Variants in ACTR3 observed in about 807,000 individuals in gnomAD.
ACTR3 encodes the protein actin related protein 3.
A neutral mutation model predicts 56.8 loss-of-function variants in ACTR3; 12 were observed. That is an observed-to-expected ratio of 0.21 (90% CI 0.14 to 0.34). The LOEUF is 0.34. ACTR3 is among the 10% of genes least tolerant of loss of function. ACTR3 has a pLI of 1.00. For synonymous variants in ACTR3, 162 were observed against 167.4 expected, an observed-to-expected ratio of 0.97 and a Z score of 0.25; for missense variants, 282 against 512.5, an observed-to-expected ratio of 0.55 and a Z score of 4.34.
chr2:113,900,827 A>G (rs994715424), intron 1 of ACTR3, among the ~76,000 whole-genome samples: 1 of 152,254 alleles, frequency 6.6e-6, no homozygotes, highest in East Asian at 1.9e-4. Flanking sequence ...CTGTTGACAC[A>G]CAGAGTAGGC....
intron 3 of ACTR3, among the ~76,000 whole-genome samples, chr2:113,925,660 A>G (rs1197627600): frequency 6.6e-6 from 1 of 152,234 alleles, no homozygotes; most frequent in African/African-American, 2.4e-5. Flanking sequence ...TACTTAAAAC[A>G]TTTGAATTTG....
chr2:113,949,253 T>G lies in ACTR3; in HGVS notation c.859-2226T>G, dbSNP rs570079217. ...ATTAGCCGGGCGTGGTGGCGGACGC[T>G]TGTAATCCCAGCTACTCGGGAGGCT... On this transcript the variant is annotated intron_variant, in intron 8 of 11. Transcript: ENST00000263238. 4.6e-5 allele frequency among the ~76,000 whole-genome samples: 7 copies of G among 150,544 alleles called. No individual in the cohort carries two copies. The South Asian group carries it at 1.5e-3, about 32-fold the overall frequency.
chr2:113,938,101 T>G (rs1679860604), intron 6 of ACTR3, among the ~76,000 whole-genome samples: 2 of 152,152 alleles, frequency 1.3e-5, no homozygotes, highest in African/African-American at 4.8e-5. Context: ...TTCTTCACTG[T>G]GTAGTCCACT....
chr2:113,891,847 A>T (rs866460962), intron 1 of ACTR3, among the ~76,000 whole-genome samples: 5 of 152,090 alleles, frequency 3.3e-5, no homozygotes, highest in African/African-American at 1.2e-4. Flanking sequence ...ACTTTATTTA[A>T]AAGTTTTTCC....
chr2:113,935,770 T>C (rs1679813536), intron 6 of ACTR3, among the ~76,000 whole-genome samples: 1 of 152,166 alleles, frequency 6.6e-6, no homozygotes, highest in Admixed American at 6.5e-5. Context: ...TATATTTTTC[T>C]TTGAGTACCT....
chr2:113,942,553 A>G (rs1679942765), intron 8 of ACTR3, among the ~76,000 whole-genome samples, 194 bp downstream of exon 8: 1 of 152,032 alleles, frequency 6.6e-6, no homozygotes, highest in Non-Finnish European at 1.5e-5. Flanking sequence ...AATTGTTGCT[A>G]TTTTTTGCAG....
intron 1 of ACTR3, among the ~76,000 whole-genome samples, chr2:113,896,911 C>T (rs927514036): frequency 6.6e-6 from 1 of 152,176 alleles, no homozygotes; most frequent in Non-Finnish European, 1.5e-5. Flanking sequence ...TCCTGCTCCC[C>T]CAACTTGTGG....
chr2:113,939,856 A>G, intron 6 of ACTR3, 103 bp from the exon 7 acceptor site: 2 of 1,074,046 alleles, frequency 1.9e-6, no homozygotes, highest in South Asian at 3.6e-5. Flanking sequence ...GAGACTATAA[A>G]TACACTAACT....
Position 113,927,407 on chromosome 2 carries a change from G to T in ACTR3, c.288G>T (p.Val96=). 6.3e-7 allele frequency: 1 copy of T among 1,594,300 alleles called. No homozygotes were observed. Among genetic ancestry groups the T allele is most frequent in the African/African-American group, 1.3e-5 (1 of 74,722 alleles). The change falls in exon 4 of 12, where the codon GTG becomes GTT. Residue 96 remains valine, a synonymous_variant. Transcript: ENST00000263238. ...TAATGGAAAGGTTTATGGAGCAAGTGATCTTTAAATATTTAAGGGCAGAAC... is the reference window on the plus strand; with the variant it reads ...TAATGGAAAGGTTTATGGAGCAAGTTATCTTTAAATATTTAAGGGCAGAAC... ...WDLMERFMEQ[V]IFKYLRAEPE... is the part of the protein sequence containing the mutation.
rs927307784 is a variant in ACTR3 at position 113,897,403 on chromosome 2, A to C, written c.44+7080A>C. On this transcript the variant is annotated intron_variant, in intron 1 of 11. Coordinates refer to ENST00000263238, the MANE Select transcript of ACTR3 (RefSeq NM_005721.5). ...ACGATTTTGCAGAATTTTAATAATAATTTTGTTTCAGAATTTTCAAAATTC... is the reference window on the plus strand; with the variant it reads ...ACGATTTTGCAGAATTTTAATAATACTTTTGTTTCAGAATTTTCAAAATTC... Among the ~76,000 whole-genome samples, 3 of 152,198 alleles carry C rather than the reference A, an allele frequency of 2.0e-5. No individual in the cohort carries two copies. The East Asian group carries it at 5.8e-4, about 29-fold the overall frequency.
At chr2:113,911,869 T>A (rs543936246) in intron 1 of ACTR3, among the ~76,000 whole-genome samples, 1 of 151,972 alleles carries the variant, frequency 6.6e-6, no homozygotes, top group East Asian at 1.9e-4. Flanking sequence ...CCCAAGTAGC[T>A]GGTATTACAG....
At chr2:113,955,778 G>A (rs1380679224) in intron 11 of ACTR3, 72 bp downstream of exon 11, 17 of 1,265,660 alleles carry the variant, frequency 1.3e-5, no homozygotes, top group South Asian at 4.0e-5. Context: ...GTGGACTTTC[G>A]CTCTTGTCAC....
intron 10 of ACTR3, chr2:113,953,932 A>G (rs554381809): frequency 2.0e-5 from 3 of 152,230 alleles, no homozygotes; most frequent in South Asian, 2.1e-4. Context: ...TGCATGTTTC[A>G]TTTACTTATT....
intron 6 of ACTR3, among the ~76,000 whole-genome samples, chr2:113,936,302 CAAAAAAAAAAA>C: frequency 1.3e-5 from 1 of 78,284 alleles, no homozygotes; most frequent in East Asian, 4.0e-4. Context: ...ACCCTGTCTC[CAAAAAAAAAAA>C]AAAAAAAAAA....
At position 113,907,499 on chromosome 2, in the gene ACTR3, T is replaced by A. The variant is rs535837796; in HGVS notation, c.45-5673T>A. ...ACCTCTTGTCCTCAAGTGACCTTCC[T>A]GCTTTGGCCTCCCAAAGTGCTGGGA... On this transcript the variant is annotated intron_variant, in intron 1 of 11. Coordinates refer to ENST00000263238, the MANE Select transcript of ACTR3 (RefSeq NM_005721.5). Among the ~76,000 whole-genome samples the A allele has an allele frequency of 3.9e-5, 6 of 152,254 alleles. No individual in the cohort carries two copies. In the South Asian group the frequency reaches 6.2e-4, roughly 16 times the overall value.
At chr2:113,956,899 A>T (rs940956219) in intron 11 of ACTR3, among the ~76,000 whole-genome samples, 1 of 152,208 alleles carries the variant, frequency 6.6e-6, no homozygotes, top group African/African-American at 2.4e-5. Flanking sequence ...GGAACAGTCT[A>T]TCTTTTCCAG....
intron 3 of ACTR3, among the ~76,000 whole-genome samples, chr2:113,922,522 C>T (rs997245460): frequency 9.2e-5 from 14 of 152,110 alleles, no homozygotes; most frequent in Middle Eastern, 3.4e-3. Context: ...GAAATCTTAG[C>T]GGTAGGGGCG....
chr2:113,952,410 CTTCATTTTT>C (rs1194758673), intron 10 of ACTR3: 1 of 151,916 alleles, frequency 6.6e-6, no homozygotes, highest in African/African-American at 2.4e-5. Context: ...GAGATAGATT[CTTCATTTTT>C]TTCATCCTTG....
rs59646022 is a variant in ACTR3 at position 113,918,386 on chromosome 2, CT to C, written c.225+1393del. ...ACTTGAAGATTTTTTTCTTTTCTTTCTTTTTTTTTTTTTTTAAGACAAAGCC... is the reference window on the plus strand; with the variant it reads ...ACTTGAAGATTTTTTTCTTTTCTTTCTTTTTTTTTTTTTTAAGACAAAGCC... On this transcript the variant is annotated intron_variant, in intron 3 of 11. Coordinates refer to ENST00000263238, the MANE Select transcript of ACTR3 (RefSeq NM_005721.5). 3.6e-3 allele frequency among the ~76,000 whole-genome samples: 501 copies of C among 137,516 alleles called. 1 individual carries two copies. Among genetic ancestry groups the C allele is most frequent in the Middle Eastern group, 3.8e-3 (1 of 260 alleles). The allele number at this position is 137,516 out of a possible 152,430, so 90.2% of individuals were successfully genotyped here.
Sources: gnomAD v4.1 joint callset for allele counts (sites outside exome capture counted in the v4.1 genomes callset) on GRCh38, gnomAD v4.1.1 for gene constraint, MANE v1.5 for transcripts, NCBI Gene and HGNC (gene_info 2026-07-23, HGNC 2026-07-21) for gene names.